POU2F2: variants seen among roughly 807,000 people sequenced by gnomAD.
POU2F2 encodes POU domain, class 2, transcription factor 2.
Under a neutral mutation model 63.5 loss-of-function variants are expected in POU2F2, and 14 were observed. The observed-to-expected ratio is 0.22, with a 90% CI of 0.15 to 0.34. POU2F2 has a LOEUF of 0.34. Among genes scored for constraint, POU2F2 ranks in the 10% least tolerant of loss-of-function variants. The pLI is 1.00. For synonymous variants in POU2F2, 306 were observed against 348.6 expected (o/e 0.88, Z 1.36); for missense variants, 607 against 815.2 (o/e 0.74, Z 3.11).
At chr19:42,163,679 T>C (rs2034595214) in intron 1 of POU2F2, among the ~76,000 whole-genome samples, 1 of 152,100 alleles carries the variant, frequency 6.6e-6, no homozygotes, top group Non-Finnish European at 1.5e-5. Flanking sequence ...GGTCCCCGGC[T>C]CCCCTCTGAC....
chr19:42,093,159 C>T (rs369776918), intron 12 of POU2F2, among the ~76,000 whole-genome samples: 62 of 151,432 alleles, frequency 4.1e-4, no homozygotes, highest in East Asian at 1.2e-3. Flanking sequence ...TACAGACACA[C>T]GCCACCACGC....
At chr19:42,122,959 C>T (rs758734991) in intron 1 of POU2F2, among the ~76,000 whole-genome samples, 16 of 152,128 alleles carry the variant, frequency 1.1e-4, no homozygotes, top group Non-Finnish European at 2.1e-4. Context: ...CCTCCTGGGG[C>T]GGGCCGCCCA....
upstream of POU2F2, among the ~76,000 whole-genome samples, chr19:42,134,172 G>C (rs1037167236): frequency 6.8e-6 from 1 of 146,920 alleles, no homozygotes; most frequent in African/African-American, 2.5e-5. Context: ...TTTTCAGTTA[G>C]GATTTGTTTT....
chr19:42,164,093 G>A (rs1192768289), intron 1 of POU2F2, among the ~76,000 whole-genome samples: 1 of 152,052 alleles, frequency 6.6e-6, no homozygotes, highest in Admixed American at 6.6e-5. Context: ...TTCTGAGTTT[G>A]GACCAGTCTG....
At chr19:42,116,936 C>T (rs1250605837) in intron 5 of POU2F2, 5 of 562,092 alleles carry the variant, frequency 8.9e-6, no homozygotes, top group East Asian at 4.1e-5. Flanking sequence ...TGCTGCACGG[C>T]GGCGGCCAGG....
chr19:42,162,869 T>G lies in POU2F2; in HGVS notation c.-69-2477A>C, dbSNP rs2034578364. On this transcript the variant is annotated intron_variant, in intron 1 of 6. Transcript: ENST00000524801. The surrounding 1 kb of genome is among the most constrained non-coding windows in gnomAD (Gnocchi z 4.1). ...ACATACAACCCCACCGATAGACAGATGGAAACACTGGCACCCACAGACACA... is the reference window on the plus strand; with the variant it reads ...ACATACAACCCCACCGATAGACAGAGGGAAACACTGGCACCCACAGACACA... 6.6e-6 allele frequency among the ~76,000 whole-genome samples: 1 copy of G among 152,100 alleles called. No individual in the cohort carries two copies. Among genetic ancestry groups the G allele is most frequent in the East Asian group, 1.9e-4 (1 of 5,160 alleles).
intron 1 of POU2F2, among the ~76,000 whole-genome samples, chr19:42,166,631 C>A (rs1051435772): frequency 6.6e-6 from 1 of 151,978 alleles, no homozygotes. Flanking sequence ...CAGCAGTGTG[C>A]GTCAGGGGGT....
In POU2F2 at chr19:42,090,974, T is replaced by TA. The variant is rs1302323580; in HGVS notation, c.*282_*283insT. ...TTGGTTTGTTTGATTTTGTGGGTTT[T>TA]TTTTTTTTTTGGTTTGTTTTTGGTT... On this transcript the variant is annotated 3_prime_UTR_variant, in exon 15 of 15. Coordinates refer to ENST00000692977, the MANE Select transcript of POU2F2 (RefSeq NM_001394376.1). The surrounding 1 kb of genome is among the most constrained non-coding windows in gnomAD (Gnocchi z 4.4). The TA allele has an allele frequency of 7.4e-6, 2 of 269,748 alleles. No homozygotes were observed. The highest frequency in any genetic ancestry group is 4.5e-5 in the African/African-American group (2 of 44,676). The allele number at this position is 269,748 out of a possible 1,614,324, so 16.7% of individuals were successfully genotyped here.
Position 42,099,542 on chromosome 19 carries a change from G to A in POU2F2, c.552C>T (p.Ala184=), listed in dbSNP as rs755677771. The A allele has an allele frequency of 7.7e-5, 125 of 1,613,238 alleles. 5 individuals carry two copies. In the South Asian group the frequency reaches 8.5e-4, roughly 11 times the overall value. Residue 184 remains alanine, a synonymous_variant, in exon 7 of 15, where the codon GCC becomes GCT. Transcript: ENST00000692977. Reference sequence around the variant, plus strand: ...ACAGTCTCACCTGTGTGGGAAGCCCGGCCCGGGGCTGGGAGGTCAGAAGAG... The same window carrying A: ...ACAGTCTCACCTGTGTGGGAAGCCCAGCCCGGGGCTGGGAGGTCAGAAGAG... ...QGALLTSQPR[A]GLPTQAVTRP...
At chr19:42,194,535 G>T (rs2035108566) in intron 1 of POU2F2, among the ~76,000 whole-genome samples, 1 of 151,908 alleles carries the variant, frequency 6.6e-6, no homozygotes, top group Non-Finnish European at 1.5e-5. Flanking sequence ...GAGGCTGGCG[G>T]ATCACCTGAG....
chr19:42,091,687 A>G, intron 14 of POU2F2, 96 bp from the exon 15 acceptor site: 2 of 1,551,138 alleles, frequency 1.3e-6, no homozygotes, highest in East Asian at 2.4e-5. Flanking sequence ...CCATCTCCCC[A>G]TCGGTCCCAC....
At chr19:42,131,214 C>T (rs2033702136) in intron 1 of POU2F2, among the ~76,000 whole-genome samples, 1 of 151,626 alleles carries the variant, frequency 6.6e-6, no homozygotes, top group Admixed American at 6.6e-5. Flanking sequence ...CCAGCCCTGA[C>T]CTGTCTGTAC....
intron 1 of POU2F2, among the ~76,000 whole-genome samples, chr19:42,173,329 G>A (rs747494181): frequency 4.1e-4 from 62 of 152,184 alleles, no homozygotes; most frequent in Admixed American, 2.5e-3. Context: ...GTAGCCCCTG[G>A]TGTGGCCATC....
chr19:42,121,999 G>T, intron 4 of POU2F2, 127 bp downstream of exon 4: 1 of 989,736 alleles, frequency 1.0e-6, no homozygotes, highest in Non-Finnish European at 1.6e-6. Flanking sequence ...GTGAGAAGGG[G>T]CGGGAGGAAC....
intron 1 of POU2F2, among the ~76,000 whole-genome samples, chr19:42,184,204 C>T (rs548084768): frequency 5.9e-4 from 89 of 152,068 alleles, no homozygotes; most frequent in Non-Finnish European, 9.6e-4. Flanking sequence ...GTTGCACAGC[C>T]TGGTCTTGAA....
chr19:42,131,942 A>G (rs2146726805), intron 1 of POU2F2, among the ~76,000 whole-genome samples: 1 of 152,290 alleles, frequency 6.6e-6, no homozygotes, highest in East Asian at 1.9e-4. Context: ...GAACTACTGC[A>G]CACACACATG....
chr19:42,195,662 C>A (rs1466220513), intron 1 of POU2F2, among the ~76,000 whole-genome samples: 3 of 135,682 alleles, frequency 2.2e-5, no homozygotes, highest in Non-Finnish European at 3.1e-5. Context: ...TCCCTCCCTT[C>A]CTCTTTCCCT....
intron 2 of POU2F2, among the ~76,000 whole-genome samples, chr19:42,139,404 C>G (rs1040631385): frequency 6.6e-6 from 1 of 152,200 alleles, no homozygotes; most frequent in African/African-American, 2.4e-5. Context: ...GCCCCCTGAA[C>G]TCCCTGGACC....
intron 2 of POU2F2, among the ~76,000 whole-genome samples, chr19:42,141,905 G>C (rs2034135716): frequency 6.6e-6 from 1 of 152,226 alleles, no homozygotes; most frequent in Admixed American, 6.5e-5. Context: ...CGATAGGACA[G>C]TGGCTAAGTA....
Sources: gnomAD v4.1 joint callset for allele counts (sites outside exome capture counted in the v4.1 genomes callset) on GRCh38, gnomAD v4.1.1 for gene constraint, Gnocchi (gnomAD v3.1) non-coding constraint, MANE v1.5 for transcripts, NCBI Gene and HGNC (gene_info 2026-07-23, HGNC 2026-07-21) for gene names.